SCRIB: variants seen among roughly 807,000 people sequenced by gnomAD.
The protein encoded by SCRIB is scribble planar cell polarity protein, also known as protein scribble homolog.
A neutral mutation model predicts 170.0 loss-of-function variants in SCRIB; 72 were observed. That is an observed-to-expected ratio of 0.42 (90% CI 0.35 to 0.52). The LOEUF (loss-of-function observed/expected upper bound fraction) is 0.52. Among genes scored for constraint, SCRIB ranks in the 20% least tolerant of loss-of-function variants. The pLI is 0.02. For missense variants in SCRIB, 2,475 were observed against 2,338.5 expected (o/e 1.06, Z -1.20); for synonymous variants, 1,298 against 1,044.3 (o/e 1.24, Z -4.68).
rs1400553371 is a variant in SCRIB, at chr8:143,804,073, G to A, written c.3093C>T (p.Val1031=). ...GSDHSSHPFG[V]QEPGVFISKV... ...TGGAGATGAACACACCAGGCTCCTG[G>A]ACACCAAACGGGTGGCTGGAATGGT... The change falls in exon 22 of 37, where the codon GTC becomes GTT. Residue 1031 remains valine, a synonymous_variant. Transcript: ENST00000356994. The A allele has an allele frequency of 6.8e-6, 11 of 1,612,152 alleles. No homozygotes were observed. The highest frequency in any genetic ancestry group is 1.7e-5 in the Admixed American group (1 of 59,894).
chr8:143,791,152 T>G lies in SCRIB; in HGVS notation c.*11A>C. On this transcript the variant is annotated 3_prime_UTR_variant, in exon 37 of 37. Coordinates refer to ENST00000356994, the MANE Select transcript of SCRIB (RefSeq NM_182706.5). ...GCCCCCACCCCAAGTCTGGGGGAGG[T>G]GCCTGCTCCTCTAGGAGGGCACAGG... is the stretch of plus-strand genomic sequence containing the variant. The G allele has an allele frequency of 7.2e-7, 1 of 1,386,128 alleles. No homozygotes were observed. Among genetic ancestry groups the G allele is most frequent in the South Asian group, 1.9e-5 (1 of 53,150 alleles). 85.9% of individuals were successfully genotyped at this position (1,386,128 alleles called of 1,614,324 possible). A position where few individuals can be genotyped will look rare whatever the true frequency, so the allele number is the denominator to read the frequency against.
Position 143,815,444 on chromosome 8 carries a change from C to T in SCRIB, c.-72G>A, listed in dbSNP as rs1273306142. 3.1e-5 allele frequency: 36 copies of T among 1,159,572 alleles called. No homozygotes were observed. The highest frequency in any genetic ancestry group is 4.0e-5 in the East Asian group (1 of 25,234). The allele number at this position is 1,159,572 out of a possible 1,614,324, so 71.8% of individuals were successfully genotyped here. ...CGGGGCCGGGGGGCGGGGCTCAGTC[C>T]GCATGGGCGCCGCGCATGGGGAGGG... On this transcript the variant is annotated 5_prime_UTR_variant, in exon 1 of 37. Coordinates refer to ENST00000356994, the MANE Select transcript of SCRIB (RefSeq NM_182706.5).
Position 143,811,137 on chromosome 8 carries a change from G to A in SCRIB, c.1106+9C>T, listed in dbSNP as rs773876815. 12 of 1,597,434 alleles carry A rather than the reference G, an allele frequency of 7.5e-6. No individual in the cohort carries two copies. In the Middle Eastern group the frequency reaches 5.0e-4, roughly 66 times the overall value. ...ACGGTTAGGCCCGCAGGGCAAGGCT[G>A]GCACTCACCGGTTCCCCGCCACGTC... is the stretch of plus-strand genomic sequence containing the variant. On this transcript the variant is annotated intron_variant, in intron 10 of 36. Transcript: ENST00000356994.
At position 143,815,757 on chromosome 8, in the gene SCRIB, G is replaced by C. The variant is rs1816071449; in HGVS notation, c.-385C>G. Reference sequence around the variant, plus strand: ...CACCCACCCGGCCGCCGCGCAGCCCGTCGGGAAGCCGAGTCCGGCCCTCGC... The same window carrying C: ...CACCCACCCGGCCGCCGCGCAGCCCCTCGGGAAGCCGAGTCCGGCCCTCGC... On this transcript the variant is annotated 5_prime_UTR_variant, in exon 1 of 37. Transcript: ENST00000356994. The C allele has an allele frequency of 1.0e-6, 1 of 984,260 alleles. No individual in the cohort carries two copies. Among genetic ancestry groups the C allele is most frequent in the East Asian group, 1.1e-4 (1 of 8,790 alleles). The allele number at this position is 984,260 out of a possible 1,614,324, so 61.0% of individuals were successfully genotyped here.
chr8:143,803,583 C>CGT lies in SCRIB; in HGVS notation c.3415-14_3415-13dup, dbSNP rs782666766. ...CCCGTGGGGCTCACCTGTGGGGAGACGTGGTATGGGAGAGACCTGTTGGGG... is the reference window on the plus strand; with the variant it reads ...CCCGTGGGGCTCACCTGTGGGGAGACGTGTGGTATGGGAGAGACCTGTTGGGG... On this transcript the variant is annotated splice_polypyrimidine_tract_variant and intron_variant, in intron 23 of 36. Transcript: ENST00000356994. The CGT allele has an allele frequency of 2.3e-5, 30 of 1,296,422 alleles. No homozygotes were observed. The highest frequency in any genetic ancestry group is 4.0e-5 in the Admixed American group (2 of 49,418). The allele number at this position is 1,296,422 out of a possible 1,614,324, so 80.3% of individuals were successfully genotyped here.
In SCRIB at chr8:143,793,065, G is replaced by A; in HGVS notation, c.3928C>T (p.Pro1310Ser). ...TTCACATTGGCGGGCAGCTCATCCG[G>A]AGAAGGCGGGGAGGGCGGCTGGGGG... Reference protein sequence around the residue: ...SGQQPPSPPSPDELPANVKQA... With the variant: ...SGQQPPSPPSSDELPANVKQA... Residue 1310 changes from proline (P) to serine (S), a missense_variant, in exon 29 of 37, where the codon CCG (proline) becomes TCG (serine). By Grantham distance (74) the Pro-to-Ser change is moderately conservative (BLOSUM62 -1). Transcript: ENST00000356994. The A allele has an allele frequency of 1.3e-6, 2 of 1,487,774 alleles. No homozygotes were observed. The highest frequency in any genetic ancestry group is 1.8e-6 in the Non-Finnish European group (2 of 1,117,902). The allele number at this position is 1,487,774 out of a possible 1,614,324, so 92.2% of individuals were successfully genotyped here. A position where few individuals can be genotyped will look rare whatever the true frequency, so the allele number is the denominator to read the frequency against.
chr8:143,792,181 G>C (rs782090554), intron 32 of SCRIB, 39 bp downstream of exon 32: 1 of 1,557,600 alleles, frequency 6.4e-7, no homozygotes, highest in South Asian at 1.2e-5. Context: ...AGCAGGGACA[G>C]GCAGCAGGGC....
intron 24 of SCRIB, among the ~76,000 whole-genome samples, chr8:143,795,773 C>T (rs1278245164): frequency 2.6e-5 from 4 of 152,210 alleles, no homozygotes; most frequent in Non-Finnish European, 5.9e-5. Flanking sequence ...GACGTGGTCA[C>T]GTCTGCACTA....
rs1387775195 is a variant in SCRIB, at chr8:143,813,542, G to A, written c.447-16C>T. 11 of 1,613,108 alleles carry A rather than the reference G, an allele frequency of 6.8e-6. No homozygotes were observed. Among genetic ancestry groups the A allele is most frequent in the African/African-American group, 6.7e-5 (5 of 74,938 alleles). ...GTTGGCGAGGCTGAAAGAGAGACCA[G>A]GCGCTGGGGCAAGAGGAAGGAAAGC... is the stretch of plus-strand genomic sequence containing the variant. On this transcript the variant is annotated splice_polypyrimidine_tract_variant and intron_variant, in intron 4 of 36. Coordinates refer to ENST00000356994, the MANE Select transcript of SCRIB (RefSeq NM_182706.5).
chr8:143,796,997 C>T (rs1245438182), intron 24 of SCRIB, among the ~76,000 whole-genome samples: 6 of 152,264 alleles, frequency 3.9e-5, no homozygotes, highest in South Asian at 2.1e-4. Context: ...CAGGAGGTCC[C>T]GAGATGACAC....
intron 24 of SCRIB, 114 bp downstream of exon 24, chr8:143,803,269 C>T (rs115485804): frequency 1.5e-5 from 16 of 1,037,364 alleles, no homozygotes; most frequent in African/African-American, 6.5e-5. Flanking sequence ...CGCAGAGCAC[C>T]GCCCAGACCC....
chr8:143,799,881 C>T (rs1815102988), intron 24 of SCRIB, among the ~76,000 whole-genome samples: 1 of 152,166 alleles, frequency 6.6e-6, no homozygotes, highest in Admixed American at 6.6e-5. Context: ...CAGGCAGCTC[C>T]TGAGCCAATG....
chr8:143,809,695 A>G lies in SCRIB; in HGVS notation c.1554T>C (p.Ser518=), dbSNP rs1815616761. ...ATGGGCGAGAGTCTTCACTCAGGCC[A>G]GACTCGGCACTCAGCCGCTTCTCCT... ...AEEEKRLSAE[S]GLSEDSRPSA... The change falls in exon 14 of 37, where the codon TCT becomes TCC. Residue 518 remains serine (S), a synonymous_variant. Coordinates refer to ENST00000356994, the MANE Select transcript of SCRIB (RefSeq NM_182706.5). 1.2e-6 allele frequency: 2 copies of G among 1,610,038 alleles called. No individual in the cohort carries two copies. The highest frequency in any genetic ancestry group is 2.2e-5 in the South Asian group (2 of 91,090).
chr8:143,804,161 G>A lies in SCRIB; in HGVS notation c.3010-5C>T, dbSNP rs374473697. 8 of 1,601,082 alleles carry A rather than the reference G, an allele frequency of 5.0e-6. No homozygotes were observed. In the African/African-American group the frequency reaches 8.0e-5, roughly 16 times the overall value. ...AGCTCTTGGCAGACGGATCTCCTGG[G>A]GATTTAGGGCGGGACAAGGACAGGC... On this transcript the variant is annotated splice_polypyrimidine_tract_variant and splice_region_variant and intron_variant, in intron 21 of 36. Transcript: ENST00000356994.
At chr8:143,813,610 C>T (rs753564069) in intron 4 of SCRIB, 27 bp downstream of exon 4, 11 of 1,612,568 alleles carry the variant, frequency 6.8e-6, no homozygotes, top group Admixed American at 3.3e-5. Flanking sequence ...CCCACCCCAC[C>T]CTAGTTCCAC....
In SCRIB at chr8:143,810,462, C is replaced by T. The variant is rs761212423; in HGVS notation, c.1530+17G>A. 20 of 1,602,564 alleles carry T rather than the reference C, an allele frequency of 1.2e-5. No homozygotes were observed. In the Admixed American group the frequency reaches 1.7e-4, roughly 13 times the overall value. ...CCGGGTCAGCGGCCCGCCAGGTTGC[C>T]GTGGCTCCATGCCCACCTCCTCTGC... On this transcript the variant is annotated intron_variant, in intron 13 of 36. Transcript: ENST00000356994.
At position 143,806,499 on chromosome 8, in the gene SCRIB, C is replaced by G; in HGVS notation, c.2269-15G>C. The G allele has an allele frequency of 1.3e-6, 2 of 1,579,650 alleles. No individual in the cohort carries two copies. Among genetic ancestry groups the G allele is most frequent in the Middle Eastern group, 1.7e-4 (1 of 6,006 alleles). ...ATGAATATGCCCTAGGGCACAGACA[C>G]GAGCTTGGCAGGGGCCAGGGAGACG... On this transcript the variant is annotated splice_polypyrimidine_tract_variant and intron_variant, in intron 17 of 36. Coordinates refer to ENST00000356994, the MANE Select transcript of SCRIB (RefSeq NM_182706.5).
rs782685667 is a variant in SCRIB, at chr8:143,792,229, C to G, written c.4505G>C (p.Arg1502Thr). The change falls in exon 32 of 37, where the codon AGG (arginine) becomes ACG (threonine). Residue 1502 changes from arginine to threonine, a missense_variant. By Grantham distance (71) the Arg-to-Thr change is moderately conservative. Transcript: ENST00000356994. ...ALEAEKRALW[R>T]AARMKSLEQD... ...CCACACAGGGGCTCACCTGGCTGCC[C>G]TCCACAGCGCACGCTTCTCGGCCTC... 6.4e-7 allele frequency: 1 copy of G among 1,563,374 alleles called. No individual in the cohort carries two copies. Among genetic ancestry groups the G allele is most frequent in the Non-Finnish European group, 8.6e-7 (1 of 1,162,104 alleles).
chr8:143,809,058 C>G, intron 14 of SCRIB, 33 bp from the exon 15 acceptor site: 1 of 1,580,406 alleles, frequency 6.3e-7, no homozygotes. Flanking sequence ...GTGGCCCCAG[C>G]TCTGTGGCTG....
Sources: gnomAD v4.1 joint callset for allele counts (sites outside exome capture counted in the v4.1 genomes callset) on GRCh38, gnomAD v4.1.1 for gene constraint, MANE v1.5 for transcripts, NCBI Gene and HGNC (gene_info 2026-07-23, HGNC 2026-07-21) for gene names.